The following DCAF13 variants were observed in gnomAD, a reference collection of about 807,000 sequenced individuals.
The protein encoded by DCAF13 is DDB1- and CUL4-associated factor 13.
A neutral mutation model predicts 59.0 loss-of-function variants in DCAF13; 38 were observed. That is an observed-to-expected ratio of 0.64 (90% CI 0.50 to 0.84). The LOEUF (loss-of-function observed/expected upper bound fraction) is 0.84, where lower values mean the gene tolerates loss of function less well. DCAF13 is among the 40% of genes least tolerant of loss of function. The pLI, the probability that DCAF13 is intolerant of heterozygous loss-of-function variation, is 0.00. For synonymous variants in DCAF13, 173 were observed against 175.0 expected, an observed-to-expected ratio of 0.99 and a Z score of 0.09; for missense variants, 469 against 558.4, an observed-to-expected ratio of 0.84 and a Z score of 1.61.
Position 103,443,019 on chromosome 8 carries a change from C to A in DCAF13, c.*137C>A. The A allele has an allele frequency of 3.8e-6, 2 of 530,448 alleles. No individual in the cohort carries two copies. The highest frequency in any genetic ancestry group is 6.4e-6 in the Non-Finnish European group (2 of 311,194). The allele number at this position is 530,448 out of a possible 1,614,324, so 32.9% of individuals were successfully genotyped here. On this transcript the variant is annotated 3_prime_UTR_variant, in exon 11 of 11. Coordinates refer to ENST00000612750, the MANE Select transcript of DCAF13 (RefSeq NM_015420.7). ...AGAGCTTTATTGTTACTCCTTTTAG[C>A]TACCCTGAAAAATGATCCTTAAAGG...
chr8:103,434,502 A>G lies in DCAF13; in HGVS notation c.786-1124A>G, dbSNP rs116729967. The stretch of plus-strand genomic sequence containing the variant: ...GGCAGGAACTGTAAAGCAGTTGTCA[A>G]TGTCTTACTACTAGTAATGTTAACC... On this transcript the variant is annotated intron_variant, in intron 7 of 10. Transcript: ENST00000612750. Among the ~76,000 whole-genome samples, 763 of 152,232 alleles carry G rather than the reference A, an allele frequency of 5.0e-3. 13 individuals carry two copies. The highest frequency in any genetic ancestry group is 0.015 in the African/African-American group (639 of 41,574).
At chr8:103,423,420 C>A (rs1473837632) in intron 3 of DCAF13, among the ~76,000 whole-genome samples, 1 of 151,972 alleles carries the variant, frequency 6.6e-6, no homozygotes, top group Non-Finnish European at 1.5e-5. Flanking sequence ...CATGAATGAA[C>A]CTGGAGGACA....
At chr8:103,427,002 C>A in intron 4 of DCAF13, 95 bp from the exon 5 acceptor site, 3 of 965,644 alleles carry the variant, frequency 3.1e-6, no homozygotes, top group Non-Finnish European at 4.3e-6. Flanking sequence ...GGGCTTTTCT[C>A]TAAAAAGATA....
intron 8 of DCAF13, among the ~76,000 whole-genome samples, chr8:103,439,138 G>T (rs1437216369): frequency 6.6e-6 from 1 of 152,042 alleles, no homozygotes; most frequent in African/African-American, 2.4e-5. Flanking sequence ...CCAAGTAGCT[G>T]GGACTACAGG....
At chr8:103,421,612 C>A (rs1410152533) in intron 3 of DCAF13, among the ~76,000 whole-genome samples, 2 of 152,206 alleles carry the variant, frequency 1.3e-5, no homozygotes, top group African/African-American at 4.8e-5. Context: ...AGTCCCCAAC[C>A]CCTGGTAACT....
chr8:103,439,010 T>C (rs1325412250), intron 8 of DCAF13, among the ~76,000 whole-genome samples: 1 of 152,058 alleles, frequency 6.6e-6, no homozygotes, highest in African/African-American at 2.4e-5. Flanking sequence ...TAAATGATTC[T>C]TTTTTTTCTT....
chr8:103,420,975 G>A lies in DCAF13; in HGVS notation c.271G>A (p.Val91Ile). Residue 91 changes from valine (V) to isoleucine (I), a missense_variant and splice_region_variant, in exon 3 of 11, where the codon GTT becomes ATT. This residue lies in a region of DCAF13 where 355 missense variants were observed against 399.1 expected (regional missense o/e 0.89). Transcript: ENST00000612750. ...AATTTCCTGGTATGCCTTATCATAG[G>A]TTAGAATTTGGAATCTAACTCAGCG... ...TVLSGACDGE[V>I]RIWNLTQRNC... The A allele has an allele frequency of 6.3e-7, 1 of 1,597,958 alleles. No individual in the cohort carries two copies. The highest frequency in any genetic ancestry group is 8.6e-7 in the Non-Finnish European group (1 of 1,165,658).
chr8:103,432,902 TC>T (rs1335404132), intron 7 of DCAF13, among the ~76,000 whole-genome samples, 161 bp downstream of exon 7: 1 of 152,248 alleles, frequency 6.6e-6, no homozygotes, highest in Non-Finnish European at 1.5e-5. Context: ...GAGAAGAACT[TC>T]TTAGAAAAGT....
At chr8:103,427,548 CCTTCAA>C (rs1245819306) in intron 5 of DCAF13, 2 of 367,904 alleles carry the variant, frequency 5.4e-6, no homozygotes, top group Non-Finnish European at 9.7e-6. Flanking sequence ...TTTACTCATG[CCTTCAA>C]CTTCATGTTC....
intron 1 of DCAF13, 111 bp from the exon 2 acceptor site, chr8:103,420,153 C>T (rs888991826): frequency 2.2e-6 from 2 of 927,610 alleles, no homozygotes; most frequent in Non-Finnish European, 3.4e-6. Context: ...TAGTGTTAGG[C>T]ATAGAACAAT....
rs1220968388 is a variant in DCAF13 at position 103,435,810 on chromosome 8, C to T, written c.950+20C>T. On this transcript the variant is annotated intron_variant, in intron 8 of 10. Transcript: ENST00000612750. ...AAGCAGGTATGTGCCTACCAGTAAG[C>T]CATTTATATTCATATGTCACTTAAC... The T allele has an allele frequency of 6.2e-7, 1 of 1,610,632 alleles. No homozygotes were observed. Among genetic ancestry groups the T allele is most frequent in the East Asian group, 2.2e-5 (1 of 44,832 alleles).
chr8:103,420,478 AGAT>A lies in DCAF13; in HGVS notation c.270+19_270+21del, dbSNP rs545528987. 7,988 of 1,607,124 alleles carry A rather than the reference AGAT, an allele frequency of 5.0e-3. 25 individuals are homozygous for A. Among genetic ancestry groups the A allele is most frequent in the Non-Finnish European group, 6.2e-3 (7,344 of 1,175,868 alleles). Reference sequence around the variant, plus strand: ...GTGATGGAGAGGCAAGTGTCAATCTAGATGATATTTTCAACTAAAAGTAGTTAT... The same window carrying A: ...GTGATGGAGAGGCAAGTGTCAATCTAGATATTTTCAACTAAAAGTAGTTAT... On this transcript the variant is annotated intron_variant, in intron 2 of 10. Transcript: ENST00000612750.
At chr8:103,439,124 C>T (rs373149310) in intron 8 of DCAF13, among the ~76,000 whole-genome samples, 1 of 152,112 alleles carries the variant, frequency 6.6e-6, no homozygotes, top group South Asian at 2.1e-4. Context: ...TCTGCCTCAG[C>T]CTCCCAAGTA....
chr8:103,435,462 G>A (rs899914827), intron 7 of DCAF13, among the ~76,000 whole-genome samples, 164 bp from the exon 8 acceptor site: 1 of 152,032 alleles, frequency 6.6e-6, no homozygotes, highest in African/African-American at 2.4e-5. Context: ...CATAAAAACT[G>A]TTGAAATTTT....
intron 7 of DCAF13, among the ~76,000 whole-genome samples, chr8:103,434,199 C>T (rs928814973): frequency 6.6e-6 from 1 of 151,992 alleles, no homozygotes; most frequent in African/African-American, 2.4e-5. Context: ...AACCTAAGTT[C>T]AAGTCTAGGC....
At chr8:103,418,559 A>G (rs910581349) in intron 1 of DCAF13, among the ~76,000 whole-genome samples, 2 of 151,796 alleles carry the variant, frequency 1.3e-5, no homozygotes, top group Non-Finnish European at 2.9e-5. Flanking sequence ...CAAAACACAA[A>G]AAACTAGAAA....
intron 1 of DCAF13, among the ~76,000 whole-genome samples, chr8:103,417,215 A>G (rs1291674301): frequency 6.6e-6 from 1 of 152,212 alleles, no homozygotes; most frequent in Non-Finnish European, 1.5e-5. Context: ...CGTCCCGTTA[A>G]TACAGTACAG....
intron 4 of DCAF13, 38 bp downstream of exon 4, chr8:103,426,183 A>G (rs190716851): frequency 8.3e-7 from 1 of 1,211,120 alleles, no homozygotes; most frequent in African/African-American, 1.5e-5. Flanking sequence ...GCCTATTAAC[A>G]TTCTTTTATT....
intron 3 of DCAF13, among the ~76,000 whole-genome samples, chr8:103,424,643 G>C (rs1278900608): frequency 1.3e-5 from 2 of 152,352 alleles, no homozygotes; most frequent in Admixed American, 6.5e-5. Flanking sequence ...CGGCAGAACA[G>C]CTTGGTCATT....
Sources: allele counts gnomAD v4.1 joint callset (sites outside exome capture counted in the v4.1 genomes callset), GRCh38; gene constraint gnomAD v4.1.1; regional missense constraint gnomAD v4.1.1; transcripts MANE v1.5; gene names NCBI Gene and HGNC (gene_info 2026-07-23, HGNC 2026-07-21).